The following VCAN variants were observed in gnomAD, a reference collection of about 807,000 sequenced individuals.
The protein encoded by VCAN is versican.
In VCAN, 44 loss-of-function variants were observed where a neutral mutation model predicts 245.5. The ratio of observed to expected loss-of-function variants is 0.18; its 90% confidence interval spans 0.14 to 0.23. VCAN has a LOEUF of 0.23. Among genes scored for constraint, VCAN ranks in the 10% least tolerant of loss-of-function variants. VCAN has a pLI of 1.00. For missense variants in VCAN, 3,793 were observed against 4,057.9 expected, an observed-to-expected ratio of 0.93 and a Z score of 1.77; for synonymous variants, 1,413 against 1,437.0, an observed-to-expected ratio of 0.98 and a Z score of 0.38.
At chr5:83,530,467 TG>T (rs1324071041) in intron 7 of VCAN, among the ~76,000 whole-genome samples, 2 of 152,106 alleles carry the variant, frequency 1.3e-5, no homozygotes, top group Admixed American at 6.6e-5. Flanking sequence ...AGAACTTTTT[TG>T]GTGGGTGAGG....
At chr5:83,531,139 G>A (rs78866706) in intron 7 of VCAN, among the ~76,000 whole-genome samples, 22 of 152,238 alleles carry the variant, frequency 1.4e-4, no homozygotes, top group African/African-American at 5.3e-4. Flanking sequence ...TATTAAAAAG[G>A]AGATTTTAAA....
chr5:83,516,911 T>G (rs953740582), intron 6 of VCAN, among the ~76,000 whole-genome samples: 1 of 152,216 alleles, frequency 6.6e-6, no homozygotes, highest in East Asian at 1.9e-4. Flanking sequence ...AATCAGCTGT[T>G]AAGTTGATGA....
At chr5:83,573,808 A>T (rs1047130432) in intron 13 of VCAN, among the ~76,000 whole-genome samples, 1 of 152,186 alleles carries the variant, frequency 6.6e-6, no homozygotes, top group Non-Finnish European at 1.5e-5. Flanking sequence ...ACCATGATGA[A>T]CAACATAAAT....
At position 83,537,461 on chromosome 5, in the gene VCAN, C is replaced by T. The variant is rs774610543; in HGVS notation, c.4458C>T (p.Tyr1486=). The change falls in exon 8 of 15, where the codon TAC becomes TAT. Residue 1486 remains tyrosine, a synonymous_variant. Transcript: ENST00000265077. ...AAGTTACATGGAAGCCTGAGACTTA[C>T]CCTGAAACATCAGAACATTTTTCAG... The part of the protein sequence containing the change: ...SLEVTWKPET[Y]PETSEHFSGG... 1.2e-6 allele frequency: 2 copies of T among 1,613,934 alleles called. No individual in the cohort carries two copies. The highest frequency in any genetic ancestry group is 1.6e-4 in the Middle Eastern group (1 of 6,062).
Position 83,540,435 on chromosome 5 carries a change from A to T in VCAN, c.7432A>T (p.Thr2478Ser). Residue 2478 changes from threonine (T) to serine (S), a missense_variant, in exon 8 of 15, where the codon ACT (threonine) becomes TCT (serine). Physicochemically the swap from Thr to Ser is moderately conservative, Grantham distance 58. Coordinates refer to ENST00000265077, the MANE Select transcript of VCAN (RefSeq NM_004385.5). ...HPEVPSAKAV[T>S]ADGFPTVSVM... ...TGAGGTGCCAAGCGCTAAAGCTGTT[A>T]CTGCTGATGGATTCCCAACAGTTTC... 2 of 1,614,046 alleles carry T rather than the reference A, an allele frequency of 1.2e-6. No individual in the cohort carries two copies. Among genetic ancestry groups the T allele is most frequent in the Non-Finnish European group, 1.7e-6 (2 of 1,179,960 alleles).
intron 6 of VCAN, chr5:83,512,826 T>C (rs1412169625): frequency 6.3e-6 from 1 of 158,056 alleles, no homozygotes. Context: ...AATTTAAATT[T>C]CAGTAATTAC....
intron 5 of VCAN, among the ~76,000 whole-genome samples, chr5:83,497,439 G>A (rs547078218): frequency 1.2e-4 from 18 of 152,162 alleles, no homozygotes; most frequent in South Asian, 8.3e-4. Flanking sequence ...CATATTCAAT[G>A]AATATTCAAT....
In VCAN at chr5:83,572,454, C is replaced by A. The variant is rs377678558; in HGVS notation, c.9774C>A (p.Phe3258Leu). Reference protein sequence around the residue: ...ENWRPNQPDSFFSAGEDCVVI... With the variant: ...ENWRPNQPDSLFSAGEDCVVI... ...GGAGACCCAACCAGCCAGACAGCTT[C>A]TTTTCTGCTGGAGAAGACTGTGTTG... The change falls in exon 13 of 15, where the codon TTC (phenylalanine) becomes TTA (leucine). Residue 3258 changes from phenylalanine to leucine, a missense_variant. Transcript: ENST00000265077. 2.0e-5 allele frequency: 33 copies of A among 1,613,870 alleles called. No individual in the cohort carries two copies. The highest frequency in any genetic ancestry group is 2.5e-5 in the Non-Finnish European group (29 of 1,179,910).
intron 12 of VCAN, among the ~76,000 whole-genome samples, chr5:83,570,221 C>G (rs909061992): frequency 6.6e-6 from 1 of 151,914 alleles, no homozygotes; most frequent in African/African-American, 2.4e-5. Context: ...TGCCTCACTT[C>G]TGGATTAGGT....
chr5:83,578,958 T>G (rs1275872771), intron 13 of VCAN, among the ~76,000 whole-genome samples: 1 of 152,194 alleles, frequency 6.6e-6, no homozygotes, highest in African/African-American at 2.4e-5. Flanking sequence ...CTTTTGGATT[T>G]TTTTAAAATT....
Position 83,514,452 on chromosome 5 carries a change from AT to A in VCAN, c.1042+2071del, listed in dbSNP as rs1274338760. Among the ~76,000 whole-genome samples the A allele has an allele frequency of 8.3e-3, 692 of 83,660 alleles. 3 individuals are homozygous for A. The highest frequency in any genetic ancestry group is 0.026 in the African/African-American group (515 of 19,802). The allele number at this position is 83,660 out of a possible 152,430, so 54.9% of individuals were successfully genotyped here. On this transcript the variant is annotated intron_variant, in intron 6 of 14. Transcript: ENST00000265077. ...TATGTGTGTGTGTGTGTGTGTGTGT[AT>A]TTTTTTTTTTTTTTGAGGTGGAGTT...
At chr5:83,542,351 T>C (rs766524043) in intron 8 of VCAN, 83 bp downstream of exon 8, 28 of 1,420,216 alleles carry the variant, frequency 2.0e-5, no homozygotes, top group African/African-American at 5.6e-5. Context: ...GTAATTTTTA[T>C]TGTGATGTTA....
At chr5:83,543,434 T>C (rs1747080154) in intron 8 of VCAN, among the ~76,000 whole-genome samples, 1 of 152,234 alleles carries the variant, frequency 6.6e-6, no homozygotes, top group Admixed American at 6.5e-5. Context: ...AAAATTATTC[T>C]TCTGATCATA....
chr5:83,515,768 G>A (rs753021270), intron 6 of VCAN, among the ~76,000 whole-genome samples: 2 of 152,092 alleles, frequency 1.3e-5, no homozygotes, highest in Non-Finnish European at 2.9e-5. Flanking sequence ...GTTAAAATTT[G>A]CCTGCCCTTC....
chr5:83,539,922 G>A lies in VCAN; in HGVS notation c.6919G>A (p.Val2307Met), dbSNP rs1207472669. Reference protein sequence around the residue: ...KIEDFNRMENVAKEVGPLVSQ... With the variant: ...KIEDFNRMENMAKEVGPLVSQ... ...TGAAGACTTTAACAGAATGGAAAATGTGGCAAAAGAAGTTGGACCACTCGT... is the reference window on the plus strand; with the variant it reads ...TGAAGACTTTAACAGAATGGAAAATATGGCAAAAGAAGTTGGACCACTCGT... The change falls in exon 8 of 15, where the codon GTG becomes ATG. Residue 2307 changes from valine (V) to methionine (M), a missense_variant. This residue lies in a region of VCAN where 3,182 missense variants were observed against 3,250.3 expected (regional missense o/e 0.98). Transcript: ENST00000265077. 7 of 1,614,002 alleles carry A rather than the reference G, an allele frequency of 4.3e-6. No individual in the cohort carries two copies. Among genetic ancestry groups the A allele is most frequent in the Admixed American group, 3.3e-5 (2 of 59,980 alleles).
chr5:83,490,941 C>T (rs1744963253), intron 3 of VCAN, among the ~76,000 whole-genome samples: 1 of 151,964 alleles, frequency 6.6e-6, no homozygotes, highest in Admixed American at 6.6e-5. Context: ...TTTGAGTTTG[C>T]TTTTAGGAAA....
intron 10 of VCAN, among the ~76,000 whole-genome samples, chr5:83,550,637 AG>A (rs1282853064): frequency 6.6e-6 from 1 of 152,174 alleles, no homozygotes; most frequent in Non-Finnish European, 1.5e-5. Flanking sequence ...CTGTAATCCC[AG>A]CACTTTGGGA....
intron 12 of VCAN, among the ~76,000 whole-genome samples, chr5:83,560,017 AG>A (rs1747809953): frequency 6.6e-6 from 1 of 151,400 alleles, no homozygotes; most frequent in South Asian, 2.1e-4. Flanking sequence ...AAAAAAAAAA[AG>A]ATATTCCTTA....
intron 7 of VCAN, among the ~76,000 whole-genome samples, chr5:83,523,520 A>T (rs1746180416): frequency 6.6e-6 from 1 of 151,504 alleles, no homozygotes; most frequent in South Asian, 2.1e-4. Flanking sequence ...GAGTGCACCT[A>T]TTGGAAACAA....
Sources: allele counts gnomAD v4.1 joint callset (sites outside exome capture counted in the v4.1 genomes callset), GRCh38; gene constraint gnomAD v4.1.1; regional missense constraint gnomAD v4.1.1; transcripts MANE v1.5; gene names NCBI Gene and HGNC (gene_info 2026-07-23, HGNC 2026-07-21).